The following VKORC1L1 variants were observed in gnomAD, a reference collection of about 807,000 sequenced individuals.
VKORC1L1 encodes the protein vitamin K epoxide reductase complex subunit 1-like protein 1.
VKORC1L1 carries 2 observed loss-of-function variants against 18.9 expected under a neutral mutation model. The observed-to-expected ratio is 0.11, with a 90% CI of 0.04 to 0.33. The LOEUF (loss-of-function observed/expected upper bound fraction) is 0.33, where lower values mean the gene tolerates loss of function less well. Among genes scored for constraint, VKORC1L1 ranks in the 10% least tolerant of loss-of-function variants. VKORC1L1 has a pLI of 1.00. For synonymous variants in VKORC1L1, 96 were observed against 100.0 expected (o/e 0.96, Z 0.24); for missense variants, 123 against 224.1 (o/e 0.55, Z 2.88).
intron 1 of VKORC1L1, among the ~76,000 whole-genome samples, chr7:65,899,940 C>T (rs917326662): frequency 6.6e-6 from 1 of 150,798 alleles, no homozygotes; most frequent in African/African-American, 2.4e-5. Context: ...GCAGAGGTTG[C>T]AGTGACCCAA....
intron 1 of VKORC1L1, among the ~76,000 whole-genome samples, chr7:65,887,905 T>G (rs764589916): frequency 3.9e-5 from 6 of 152,276 alleles, no homozygotes; most frequent in Non-Finnish European, 8.8e-5. Context: ...CTGTACTAAT[T>G]TGCTGTTCTG....
intron 1 of VKORC1L1, among the ~76,000 whole-genome samples, chr7:65,934,089 T>C (rs572238618): frequency 1.3e-5 from 2 of 152,268 alleles, no homozygotes; most frequent in Admixed American, 6.5e-5. Flanking sequence ...CTTTAGTCAG[T>C]TTTCTAAAAA....
At chr7:65,936,084 A>G (rs932928464) in intron 1 of VKORC1L1, among the ~76,000 whole-genome samples, 9 of 147,858 alleles carry the variant, frequency 6.1e-5, no homozygotes, top group Non-Finnish European at 1.5e-5. Flanking sequence ...TATTGACCTC[A>G]TCTAGTGGAT....
chr7:65,952,976 T>C lies in VKORC1L1; in HGVS notation c.305-1098T>C, dbSNP rs191118449. On this transcript the variant is annotated intron_variant, in intron 2 of 2. Coordinates refer to ENST00000360768, the MANE Select transcript of VKORC1L1 (RefSeq NM_173517.6). Reference sequence around the variant, plus strand: ...AATTTTTTTTTTCTCTTGTACTTTTTAGTAGAGAGGGGCTTTCACCATGTT... The same window carrying C: ...AATTTTTTTTTTCTCTTGTACTTTTCAGTAGAGAGGGGCTTTCACCATGTT... Among the ~76,000 whole-genome samples the C allele has an allele frequency of 3.3e-5, 5 of 151,968 alleles. No individual in the cohort carries two copies. In the East Asian group the frequency reaches 5.8e-4, roughly 18 times the overall value.
At chr7:65,888,413 A>G (rs191340195) in intron 1 of VKORC1L1, among the ~76,000 whole-genome samples, 112 of 152,318 alleles carry the variant, frequency 7.4e-4, no homozygotes, top group African/African-American at 2.6e-3. Context: ...AAATTGTTTC[A>G]AACTAAAGCA....
At chr7:65,892,259 A>G (rs573646003) in intron 1 of VKORC1L1, among the ~76,000 whole-genome samples, 7 of 152,064 alleles carry the variant, frequency 4.6e-5, no homozygotes, top group Middle Eastern at 3.4e-3. Flanking sequence ...GGGAGTACAG[A>G]AATCTCTTCG....
chr7:65,868,624 C>T (rs377252557), upstream of VKORC1L1, among the ~76,000 whole-genome samples: 87 of 152,350 alleles, frequency 5.7e-4, no homozygotes, highest in East Asian at 7.5e-3. Context: ...ATGTACACCA[C>T]GGAACATGAC....
intron 1 of VKORC1L1, among the ~76,000 whole-genome samples, chr7:65,920,905 GAGAA>G (rs61678758): frequency 0.11 from 16,841 of 151,726 alleles, 1,081 homozygotes; most frequent in Middle Eastern, 0.2. Flanking sequence ...AGAAAGGAAA[GAGAA>G]AGAGAAAAAG....
rs796718033 is a variant in VKORC1L1 at position 65,952,526 on chromosome 7, A to AT, written c.305-1537dup. On this transcript the variant is annotated intron_variant, in intron 2 of 2. Coordinates refer to ENST00000360768, the MANE Select transcript of VKORC1L1 (RefSeq NM_173517.6). ...CGGCCCACAGGCGTCTTCTTGTTGC[A>AT]TTTTTTTTTTTGCCAACAGGGCCCA... Among the ~76,000 whole-genome samples the AT allele has an allele frequency of 5.2e-3, 752 of 144,886 alleles. 5 individuals carry two copies. Among genetic ancestry groups the AT allele is most frequent in the African/African-American group, 0.014 (576 of 39,858 alleles).
chr7:65,921,802 C>T (rs552664747), intron 1 of VKORC1L1, among the ~76,000 whole-genome samples: 11 of 151,250 alleles, frequency 7.3e-5, no homozygotes, highest in Non-Finnish European at 1.3e-4. Flanking sequence ...GAGCGGAGAT[C>T]ATGCCACTGC....
chr7:65,923,674 A>G (rs1789714858), intron 1 of VKORC1L1, among the ~76,000 whole-genome samples: 2 of 152,212 alleles, frequency 1.3e-5, no homozygotes, highest in African/African-American at 4.8e-5. Context: ...CCTGGCCTTG[A>G]CAAATTAAGA....
At chr7:65,934,759 T>TA (rs1369585696) in intron 1 of VKORC1L1, among the ~76,000 whole-genome samples, 2 of 151,846 alleles carry the variant, frequency 1.3e-5, no homozygotes, top group African/African-American at 4.8e-5. Flanking sequence ...CTTTAGATAT[T>TA]AAAAAAAAGT....
chr7:65,895,468 AAAAAAAAAAAAAATATATAT>A (rs1789178852), intron 1 of VKORC1L1, among the ~76,000 whole-genome samples: 2 of 52,764 alleles, frequency 3.8e-5, no homozygotes, highest in Non-Finnish European at 6.8e-5. Flanking sequence ...AAAAAAAAAA[AAAAAAAAAAAAAATATATAT>A]ATATATATAT....
intron 1 of VKORC1L1, among the ~76,000 whole-genome samples, chr7:65,937,476 C>T (rs1466053351): frequency 6.6e-6 from 1 of 152,176 alleles, no homozygotes; most frequent in Non-Finnish European, 1.5e-5. Flanking sequence ...CTCACTGCAG[C>T]CTTGACCTCT....
chr7:65,936,797 G>A (rs954215111), intron 1 of VKORC1L1, among the ~76,000 whole-genome samples: 17 of 152,116 alleles, frequency 1.1e-4, no homozygotes, highest in African/African-American at 4.1e-4. Flanking sequence ...AGAAAGATGG[G>A]TTTCTCTCAG....
chr7:65,885,683 G>C (rs1788999961), intron 1 of VKORC1L1, among the ~76,000 whole-genome samples: 1 of 151,932 alleles, frequency 6.6e-6, no homozygotes, highest in African/African-American at 2.4e-5. Flanking sequence ...ATGCCACAAG[G>C]CTTTTCTGCA....
chr7:65,884,368 G>A (rs1026260643), intron 1 of VKORC1L1, among the ~76,000 whole-genome samples: 1 of 152,158 alleles, frequency 6.6e-6, no homozygotes, highest in Non-Finnish European at 1.5e-5. Context: ...TCACAGCAGG[G>A]CACGGTGGCC....
At chr7:65,871,812 A>G (rs1174701147), upstream of VKORC1L1, among the ~76,000 whole-genome samples, 3 of 151,932 alleles carry the variant, frequency 2.0e-5, no homozygotes, top group Non-Finnish European at 4.4e-5. Flanking sequence ...TATCCTCATG[A>G]GAGCCTGAGC....
intron 1 of VKORC1L1, among the ~76,000 whole-genome samples, chr7:65,886,226 G>A (rs1456595335): frequency 1.3e-5 from 2 of 152,076 alleles, no homozygotes; most frequent in East Asian, 1.9e-4. Context: ...TCTGGTTCTT[G>A]TAATAATCGG....
Sources: gnomAD v4.1 joint callset for allele counts (sites outside exome capture counted in the v4.1 genomes callset) on GRCh38, gnomAD v4.1.1 for gene constraint, MANE v1.5 for transcripts, NCBI Gene and HGNC (gene_info 2026-07-23, HGNC 2026-07-21) for gene names.